The following ATP1B3 variants were observed in gnomAD, a reference collection of about 807,000 sequenced individuals.
ATP1B3 encodes sodium/potassium-transporting ATPase subunit beta-3.
A neutral mutation model predicts 30.2 loss-of-function variants in ATP1B3; 10 were observed. That is an observed-to-expected ratio of 0.33 (90% confidence interval 0.20 to 0.56). The LOEUF (loss-of-function observed/expected upper bound fraction) is 0.56. ATP1B3 is among the 20% of genes least tolerant of loss of function. ATP1B3 has a pLI of 0.90. For synonymous variants in ATP1B3, 113 were observed against 117.0 expected, an observed-to-expected ratio of 0.97 and a Z score of 0.22; for missense variants, 238 against 336.7, an observed-to-expected ratio of 0.71 and a Z score of 2.29.
chr3:141,912,879 C>T (rs1008660164), intron 3 of ATP1B3, among the ~76,000 whole-genome samples: 1 of 152,198 alleles, frequency 6.6e-6, no homozygotes, highest in African/African-American at 2.4e-5. Flanking sequence ...AAACCCCCTT[C>T]TATGAGCTAG....
intron 1 of ATP1B3, among the ~76,000 whole-genome samples, chr3:141,885,744 G>A (rs1933816739): frequency 1.3e-5 from 2 of 152,128 alleles, no homozygotes; most frequent in African/African-American, 4.8e-5. Flanking sequence ...CACTGTGCCT[G>A]ACCAGCGCAT....
At chr3:141,898,230 A>G (rs539587349) in intron 1 of ATP1B3, among the ~76,000 whole-genome samples, 95 of 152,374 alleles carry the variant, frequency 6.2e-4, no homozygotes, top group African/African-American at 2.1e-3. Flanking sequence ...CAAAAGCACA[A>G]GCAACCAAAG....
intron 1 of ATP1B3, among the ~76,000 whole-genome samples, chr3:141,887,498 G>T (rs1933858836): frequency 6.6e-6 from 1 of 152,268 alleles, no homozygotes; most frequent in South Asian, 2.1e-4. Flanking sequence ...TAAAGGTCCG[G>T]CAGTGTCTTA....
chr3:141,908,209 T>C (rs1182406414), intron 3 of ATP1B3, among the ~76,000 whole-genome samples: 1 of 152,126 alleles, frequency 6.6e-6, no homozygotes, highest in Non-Finnish European at 1.5e-5. Context: ...TGATTTTTAA[T>C]ACATCCGTTT....
chr3:141,912,210 C>T (rs1256184999), intron 3 of ATP1B3, among the ~76,000 whole-genome samples: 2 of 151,904 alleles, frequency 1.3e-5, no homozygotes, highest in Non-Finnish European at 2.9e-5. Context: ...GATTTTTTTC[C>T]CCCAAGGTAA....
intron 1 of ATP1B3, among the ~76,000 whole-genome samples, chr3:141,879,692 T>C (rs1933682216): frequency 6.7e-6 from 1 of 148,446 alleles, no homozygotes; most frequent in African/African-American, 2.5e-5. Context: ...GGCAGGAGAA[T>C]TGCATGAACC....
chr3:141,913,005 T>G (rs989442403), intron 3 of ATP1B3, among the ~76,000 whole-genome samples: 2 of 152,222 alleles, frequency 1.3e-5, no homozygotes, highest in African/African-American at 4.8e-5. Context: ...ATGTTCATAC[T>G]ATCCACTTGC....
At chr3:141,903,878 T>A in intron 2 of ATP1B3, 130 bp downstream of exon 2, 1 of 1,058,450 alleles carries the variant, frequency 9.4e-7, no homozygotes, top group Non-Finnish European at 1.3e-6. Context: ...GCCTCCCAGG[T>A]TCAAGCGATT....
chr3:141,876,869 C>G lies in ATP1B3; in HGVS notation c.68C>G (p.Pro23Arg), dbSNP rs1052527455. 33 of 1,582,474 alleles carry G rather than the reference C, an allele frequency of 2.1e-5. No homozygotes were observed. The highest frequency in any genetic ancestry group is 3.5e-5 in the Admixed American group (2 of 57,622). The change falls in exon 1 of 7, where the codon CCG becomes CGG. Residue 23 changes from proline (P) to arginine (R), a missense_variant. Pro to Arg is a moderately radical substitution (Grantham distance 103, BLOSUM62 -2). Around this residue, in one of 3 missense-constraint regions of ATP1B3, gnomAD observed 130 missense variants for 148.8 expected, o/e 0.87. Transcript: ENST00000286371. ...LAEWKLFIYN[P>R]TTGEFLGRTA... ...GAGTGGAAGCTCTTCATCTACAACC[C>G]GACCACCGGAGAATTCCTGGGGCGC...
intron 2 of ATP1B3, among the ~76,000 whole-genome samples, 168 bp from the exon 3 acceptor site, chr3:141,906,999 A>G (rs763409401): frequency 2.0e-5 from 3 of 152,192 alleles, no homozygotes; most frequent in Non-Finnish European, 1.5e-5. Context: ...GTTATTTTTA[A>G]TTTTAGATGT....
Position 141,925,705 on chromosome 3 carries a change from G to A in ATP1B3, c.*4G>A, listed in dbSNP as rs1559875782. On this transcript the variant is annotated 3_prime_UTR_variant, in exon 7 of 7. Coordinates refer to ENST00000286371, the MANE Select transcript of ATP1B3 (RefSeq NM_001679.4). The stretch of plus-strand genomic sequence containing the variant: ...CAAAATCACAGCACGTGCATAGTAT[G>A]AGTAGGATATCTCCACAGAGTAAAT... 2 of 1,608,706 alleles carry A rather than the reference G, an allele frequency of 1.2e-6. No homozygotes were observed. Among genetic ancestry groups the A allele is most frequent in the Non-Finnish European group, 1.7e-6 (2 of 1,178,280 alleles).
chr3:141,898,791 T>G (rs1315676235), intron 1 of ATP1B3, among the ~76,000 whole-genome samples: 2 of 152,194 alleles, frequency 1.3e-5, no homozygotes, highest in Non-Finnish European at 2.9e-5. Flanking sequence ...CATGAATGTT[T>G]ATAACATTAT....
chr3:141,891,043 T>C (rs986302959), intron 1 of ATP1B3, among the ~76,000 whole-genome samples: 7 of 152,258 alleles, frequency 4.6e-5, no homozygotes, highest in African/African-American at 1.7e-4. Context: ...TTATCACAGA[T>C]TTAACAGTCT....
chr3:141,896,345 C>G (rs1934064856), intron 1 of ATP1B3, among the ~76,000 whole-genome samples: 1 of 151,992 alleles, frequency 6.6e-6, no homozygotes, highest in Non-Finnish European at 1.5e-5. Flanking sequence ...AGAAGACCCC[C>G]TTCTGTACAA....
Position 141,913,341 on chromosome 3 carries a change from C to T in ATP1B3, c.347-311C>T, listed in dbSNP as rs560330931. 2.0e-5 allele frequency among the ~76,000 whole-genome samples: 3 copies of T among 152,114 alleles called. No individual in the cohort carries two copies. The South Asian group carries it at 6.2e-4, about 32-fold the overall frequency. On this transcript the variant is annotated intron_variant, in intron 3 of 6. Transcript: ENST00000286371. ...GCAGCAGTGCCTTTTTACATCCTCT[C>T]CATTGTATCACCAAGCATGCAGAAG... is the stretch of plus-strand genomic sequence containing the variant.
chr3:141,884,386 A>C (rs1933791527), intron 1 of ATP1B3, among the ~76,000 whole-genome samples: 1 of 151,766 alleles, frequency 6.6e-6, no homozygotes, highest in Admixed American at 6.6e-5. Context: ...TCCTGCTCCC[A>C]CTCCCTAGCT....
At chr3:141,879,855 C>T (rs1933689237) in intron 1 of ATP1B3, among the ~76,000 whole-genome samples, 1 of 49,360 alleles carries the variant, frequency 2.0e-5, no homozygotes, top group African/African-American at 9.8e-5. Context: ...AGCCTTTTGT[C>T]ATTTTGCAAA....
chr3:141,890,205 C>T (rs2107766642), intron 1 of ATP1B3, among the ~76,000 whole-genome samples: 1 of 144,404 alleles, frequency 6.9e-6, no homozygotes, highest in Admixed American at 7.0e-5. Context: ...TGCCTCGCCT[C>T]CTGAGTAGCT....
chr3:141,909,824 C>T (rs1191913787), intron 3 of ATP1B3, among the ~76,000 whole-genome samples: 2 of 152,164 alleles, frequency 1.3e-5, no homozygotes, highest in Non-Finnish European at 2.9e-5. Flanking sequence ...AAGGATCCTG[C>T]AGGCTTCTCT....
Sources: allele counts gnomAD v4.1 joint callset (sites outside exome capture counted in the v4.1 genomes callset), GRCh38; gene constraint gnomAD v4.1.1; regional missense constraint gnomAD v4.1.1; transcripts MANE v1.5; gene names NCBI Gene and HGNC (gene_info 2026-07-23, HGNC 2026-07-21).